Variants in TTC5 observed in about 807,000 individuals in gnomAD.
TTC5 encodes the protein tetratricopeptide repeat domain 5.
In TTC5, 46 loss-of-function variants were observed where a neutral mutation model predicts 57.4. That is an observed-to-expected ratio of 0.80 (90% CI 0.63 to 1.03). TTC5 has a LOEUF of 1.03. Among genes scored for constraint, TTC5 ranks in the 50% least tolerant of loss-of-function variants. TTC5 has a pLI of 0.00. For missense variants in TTC5, 504 were observed against 528.1 expected (o/e 0.95, Z 0.45); for synonymous variants, 190 against 203.5 (o/e 0.93, Z 0.57).
rs745850508 is a variant in TTC5, at chr14:20,298,904, A to G, written c.548-16T>C. 1.9e-6 allele frequency: 3 copies of G among 1,569,484 alleles called. No homozygotes were observed. The Admixed American group carries it at 5.0e-5, about 26-fold the overall frequency. On this transcript the variant is annotated splice_polypyrimidine_tract_variant and intron_variant, in intron 4 of 9. Transcript: ENST00000258821. Reference sequence around the variant, plus strand: ...CCAAGAATATCTGAAAGAGAAACACAGTGACAAATCATCTCAGAGTCCAAG... The same window carrying G: ...CCAAGAATATCTGAAAGAGAAACACGGTGACAAATCATCTCAGAGTCCAAG...
chr14:20,299,040 T>C (rs959544821), intron 4 of TTC5, 152 bp from the exon 5 acceptor site: 14 of 730,396 alleles, frequency 1.9e-5, no homozygotes, highest in Non-Finnish European at 3.1e-5. Context: ...TCCACTAGGA[T>C]AGAGCACCAA....
chr14:20,304,516 A>G (rs952228228), intron 1 of TTC5, among the ~76,000 whole-genome samples: 4 of 152,240 alleles, frequency 2.6e-5, no homozygotes, highest in Non-Finnish European at 4.4e-5. Context: ...ATCAAAGTTT[A>G]CCACCATCTC....
intron 1 of TTC5, 165 bp downstream of exon 1, chr14:20,305,722 C>G (rs1224616063): frequency 4.4e-6 from 3 of 677,974 alleles, no homozygotes; most frequent in South Asian, 1.8e-5. Flanking sequence ...TCCAACGAGG[C>G]TCCCTGGCTG....
At chr14:20,300,959 C>T in intron 2 of TTC5, 141 bp from the exon 3 acceptor site, 1 of 669,192 alleles carries the variant, frequency 1.5e-6, no homozygotes, top group Non-Finnish European at 2.5e-6. Flanking sequence ...TTATTGAAAG[C>T]TCACCATAGG....
intron 5 of TTC5, among the ~76,000 whole-genome samples, chr14:20,298,364 C>A (rs1439169188): frequency 6.6e-6 from 1 of 152,162 alleles, no homozygotes; most frequent in African/African-American, 2.4e-5. Flanking sequence ...CATGGGAAAT[C>A]CAGAGCCATA....
intron 1 of TTC5, among the ~76,000 whole-genome samples, chr14:20,304,010 C>T (rs2184670): frequency 0.54 from 82,529 of 152,014 alleles, 23,715 homozygotes; most frequent in East Asian, 0.65. Context: ...GAATCCATTC[C>T]TTCTCTCCTC....
At position 20,286,765 on chromosome 14, in the gene TTC5, A is replaced by G. The variant is rs2138799057; in HGVS notation, c.*2862T>C. 6.6e-6 allele frequency: 1 copy of G among 152,258 alleles called. No homozygotes were observed. The highest frequency in any genetic ancestry group is 1.9e-4 in the East Asian group (1 of 5,188). 9.4% of individuals were successfully genotyped at this position (152,258 alleles called of 1,614,324 possible). ...ATAGAATAAAAAAAAAAACAGGATAAAACTGTATGTAGACAAACGATTAGT... is the reference window on the plus strand; with the variant it reads ...ATAGAATAAAAAAAAAAACAGGATAGAACTGTATGTAGACAAACGATTAGT... On this transcript the variant is annotated 3_prime_UTR_variant, in exon 10 of 10. Coordinates refer to ENST00000258821, the MANE Select transcript of TTC5 (RefSeq NM_138376.3).
intron 1 of TTC5, 124 bp downstream of exon 1, chr14:20,305,763 G>T: frequency 9.5e-7 from 1 of 1,047,884 alleles, no homozygotes; most frequent in Non-Finnish European, 1.5e-6. Flanking sequence ...GGTTGTTATA[G>T]TAACCACACA....
chr14:20,297,438 A>G (rs1882088817), intron 5 of TTC5, among the ~76,000 whole-genome samples: 1 of 152,164 alleles, frequency 6.6e-6, no homozygotes, highest in Non-Finnish European at 1.5e-5. Context: ...GTTGGTTCAG[A>G]TATGTTTACA....
chr14:20,305,023 T>C (rs1448540328), intron 1 of TTC5, among the ~76,000 whole-genome samples: 2 of 152,204 alleles, frequency 1.3e-5, no homozygotes, highest in African/African-American at 2.4e-5. Flanking sequence ...ACAAATAATG[T>C]TTCTAATATA....
rs998397503 is a variant in TTC5, at chr14:20,286,617, G to A, written c.*3010C>T. ...CAAAATAACTTCATAAAGCAGTAGA[G>A]GGAAAATGTCCTTATGACTTTAGGA... On this transcript the variant is annotated 3_prime_UTR_variant, in exon 10 of 10. Transcript: ENST00000258821. The A allele has an allele frequency of 2.0e-5, 3 of 152,014 alleles. No individual in the cohort carries two copies. Among genetic ancestry groups the A allele is most frequent in the African/African-American group, 7.2e-5 (3 of 41,400 alleles). 9.4% of individuals were successfully genotyped at this position (152,014 alleles called of 1,614,324 possible).
intron 3 of TTC5, chr14:20,300,251 G>C (rs1233940993): frequency 6.4e-6 from 1 of 157,416 alleles, no homozygotes; most frequent in African/African-American, 2.5e-5. Flanking sequence ...CTCCTGCCTC[G>C]GCCTCTCAAA....
chr14:20,295,274 C>A (rs1408099522), intron 8 of TTC5, 38 bp downstream of exon 8: 1 of 1,599,726 alleles, frequency 6.3e-7, no homozygotes, highest in South Asian at 1.1e-5. Context: ...GCAATTAGTT[C>A]AAAAGGGTAA....
At chr14:20,299,273 T>C (rs778623509) in intron 4 of TTC5, 25 bp downstream of exon 4, 31 of 1,608,172 alleles carry the variant, frequency 1.9e-5, no homozygotes, top group Middle Eastern at 1.9e-4. Flanking sequence ...TAGAAACCTG[T>C]TGGAGATCTT....
chr14:20,305,560 T>C (rs1332419402), intron 1 of TTC5: 1 of 367,912 alleles, frequency 2.7e-6, no homozygotes, highest in Non-Finnish European at 4.9e-6. Context: ...CAGTAGTTCA[T>C]GCAGATCTGC....
intron 1 of TTC5, among the ~76,000 whole-genome samples, chr14:20,303,129 T>C (rs1403640958): frequency 2.0e-5 from 3 of 151,516 alleles, no homozygotes; most frequent in Admixed American, 6.6e-5. Context: ...GAGGCAGAGG[T>C]TGCAGTGAGC....
At chr14:20,300,380 T>C (rs1566392217) in intron 3 of TTC5, 1 of 510,358 alleles carries the variant, frequency 2.0e-6, no homozygotes, top group East Asian at 3.2e-5. Context: ...CTAGCTTTTC[T>C]TCACTTCCTT....
chr14:20,300,155 ATTTTTTTTTTT>A (rs765208751), intron 3 of TTC5, among the ~76,000 whole-genome samples: 6 of 89,318 alleles, frequency 6.7e-5, no homozygotes, highest in African/African-American at 2.7e-4. Flanking sequence ...ATATATATAT[ATTTTTTTTTTT>A]TTTTTTTTTT....
chr14:20,302,279 G>C (rs1325697257), intron 1 of TTC5, among the ~76,000 whole-genome samples: 1 of 152,188 alleles, frequency 6.6e-6, no homozygotes, highest in Non-Finnish European at 1.5e-5. Flanking sequence ...CATGAGGAGG[G>C]AAACACTGCA....
Sources: gnomAD v4.1 joint callset for allele counts (sites outside exome capture counted in the v4.1 genomes callset) on GRCh38, gnomAD v4.1.1 for gene constraint, MANE v1.5 for transcripts, NCBI Gene and HGNC (gene_info 2026-07-23, HGNC 2026-07-21) for gene names.